The following CTNNA3 variants were observed in gnomAD, a reference collection of about 807,000 sequenced individuals.
CTNNA3 encodes catenin alpha-3.
CTNNA3 carries 76 observed loss-of-function variants against 95.7 expected under a neutral mutation model. The ratio of observed to expected loss-of-function variants is 0.79; its 90% CI spans 0.66 to 0.96. The LOEUF (loss-of-function observed/expected upper bound fraction) is 0.96, where lower values mean the gene tolerates loss of function less well. Ranked by LOEUF, CTNNA3 falls within the 40% of genes least tolerant of loss-of-function variation. CTNNA3 has a pLI of 0.00. For missense variants in CTNNA3, 1,191 were observed against 1,089.8 expected (o/e 1.09, Z -1.31); for synonymous variants, 431 against 374.4 (o/e 1.15, Z -1.74).
At chr10:67,555,267 T>G (rs1473963993) in intron 3 of CTNNA3, among the ~76,000 whole-genome samples, 1 of 152,176 alleles carries the variant, frequency 6.6e-6, no homozygotes, top group Non-Finnish European at 1.5e-5. Flanking sequence ...GAACTTTAAG[T>G]AGTTTTTTTC....
intron 9 of CTNNA3, among the ~76,000 whole-genome samples, chr10:66,721,886 GA>G (rs1009606538): frequency 2.0e-5 from 3 of 152,012 alleles, no homozygotes; most frequent in African/African-American, 4.8e-5. Flanking sequence ...AGATTAGGAG[GA>G]AAAAAACCTT....
At chr10:67,185,226 C>T (rs1442203583) in intron 6 of CTNNA3, among the ~76,000 whole-genome samples, 4 of 151,904 alleles carry the variant, frequency 2.6e-5, no homozygotes, top group Non-Finnish European at 5.9e-5. Flanking sequence ...CCCCCAAATT[C>T]AAGCGACTCT....
rs373111857 is a variant in CTNNA3 at position 66,370,658 on chromosome 10, G to A, written c.1732+8494C>T. 7.5e-4 allele frequency among the ~76,000 whole-genome samples: 114 copies of A among 152,052 alleles called. 1 individual carries two copies. The highest frequency in any genetic ancestry group is 2.4e-3 in the African/African-American group (101 of 41,478). Reference sequence around the variant, plus strand: ...TAACTGCAGAGCCTCTGATCCCCTCGGGCCTTGAGCAGCCACTTCTTTTCT... The same window carrying A: ...TAACTGCAGAGCCTCTGATCCCCTCAGGCCTTGAGCAGCCACTTCTTTTCT... On this transcript the variant is annotated intron_variant, in intron 12 of 17. Coordinates refer to ENST00000433211, the MANE Select transcript of CTNNA3 (RefSeq NM_013266.4).
intron 7 of CTNNA3, among the ~76,000 whole-genome samples, chr10:66,941,805 A>G (rs1260093988): frequency 1.3e-5 from 2 of 152,234 alleles, no homozygotes; most frequent in Non-Finnish European, 2.9e-5. Context: ...AAAAAATGAC[A>G]AAAGAGGTTC....
intron 7 of CTNNA3, among the ~76,000 whole-genome samples, chr10:67,016,829 G>A (rs571249598): frequency 6.6e-6 from 1 of 152,132 alleles, no homozygotes; most frequent in Non-Finnish European, 1.5e-5. Flanking sequence ...GATAATTTTA[G>A]TAGACTTTGA....
chr10:66,631,363 A>T (rs1200317324), intron 9 of CTNNA3, among the ~76,000 whole-genome samples: 1 of 152,218 alleles, frequency 6.6e-6, no homozygotes, highest in East Asian at 1.9e-4. Flanking sequence ...TAATTTAAAC[A>T]TGAATTTGTA....
rs370358378 is a variant in CTNNA3, at chr10:67,121,981, CAAAAAAAAAAAAAAA to C, written c.1047+58321_1047+58335del. On this transcript the variant is annotated intron_variant, in intron 7 of 17. Coordinates refer to ENST00000433211, the MANE Select transcript of CTNNA3 (RefSeq NM_013266.4). The stretch of plus-strand genomic sequence containing the variant: ...CGCTCTTAGCCAACATTATTCTGAG[CAAAAAAAAAAAAAAA>C]AAAAAAAAAAAAGCTGAGGGCCAGA... 8.5e-5 allele frequency among the ~76,000 whole-genome samples: 4 copies of C among 47,150 alleles called. No individual in the cohort carries two copies. In the East Asian group the frequency reaches 2.1e-3, roughly 25 times the overall value. 30.9% of individuals were successfully genotyped at this position (47,150 alleles called of 152,430 possible). A position where few individuals can be genotyped will look rare whatever the true frequency, so the allele number is the denominator to read the frequency against.
chr10:67,211,026 T>C (rs1247080346), intron 6 of CTNNA3, among the ~76,000 whole-genome samples: 1 of 152,188 alleles, frequency 6.6e-6, no homozygotes, highest in Non-Finnish European at 1.5e-5. Flanking sequence ...TTGTGCTAGC[T>C]TTTATTGCTT....
intron 9 of CTNNA3, among the ~76,000 whole-genome samples, chr10:66,695,918 G>GT (rs111611902): frequency 6.3e-5 from 9 of 142,010 alleles, no homozygotes; most frequent in African/African-American, 1.5e-4. Context: ...GAGACGTAAG[G>GT]GGGGGGGGCA....
At chr10:66,276,557 G>T (rs781251061) in intron 13 of CTNNA3, among the ~76,000 whole-genome samples, 7 of 152,122 alleles carry the variant, frequency 4.6e-5, no homozygotes, top group African/African-American at 1.7e-4. Flanking sequence ...AATTAATATA[G>T]GTTCAAAAGC....
intron 13 of CTNNA3, among the ~76,000 whole-genome samples, chr10:66,249,203 A>G (rs1225384935): frequency 1.3e-5 from 2 of 152,182 alleles, no homozygotes; most frequent in African/African-American, 4.8e-5. Flanking sequence ...TCTCCAGAAC[A>G]TGAGTGTGGG....
intron 9 of CTNNA3, among the ~76,000 whole-genome samples, chr10:66,696,910 T>C (rs1847786733): frequency 6.6e-6 from 1 of 152,024 alleles, no homozygotes; most frequent in Non-Finnish European, 1.5e-5. Context: ...CAGAGTGAGA[T>C]ACTGTCTCTG....
At chr10:67,647,177 T>TATATATATATATATA (rs1564807136) in intron 2 of CTNNA3, among the ~76,000 whole-genome samples, 1 of 142,440 alleles carries the variant, frequency 7.0e-6, no homozygotes, top group Non-Finnish European at 1.5e-5. Context: ...TATATATATA[T>TATATATATATATATA]TATTACTGCT....
chr10:66,273,692 T>C (rs746943291), intron 13 of CTNNA3, among the ~76,000 whole-genome samples: 4 of 152,148 alleles, frequency 2.6e-5, no homozygotes, highest in Non-Finnish European at 5.9e-5. Context: ...TTGCAACCTT[T>C]GGAGAAGGGT....
rs369880246 is a variant in CTNNA3 at position 66,766,325 on chromosome 10, C to A, written c.1220G>T (p.Arg407Leu). 1.2e-6 allele frequency: 2 copies of A among 1,613,770 alleles called. No homozygotes were observed. The highest frequency in any genetic ancestry group is 4.5e-5 in the East Asian group (2 of 44,846). The stretch of plus-strand genomic sequence containing the variant: ...AGCATATTCTTTTATTTCCTTTTCC[C>A]GGCCATTCTTAGCAGCTTCAATGAG... ...LVLIEAAKNG[R>L]EKEIKEYAAI... The change falls in exon 9 of 18, where the codon CGG (arginine) becomes CTG (leucine). Residue 407 changes from arginine to leucine, a missense_variant. Transcript: ENST00000433211.
chr10:67,259,139 A>G (rs993322158), intron 5 of CTNNA3, among the ~76,000 whole-genome samples: 3 of 152,202 alleles, frequency 2.0e-5, no homozygotes, highest in African/African-American at 7.2e-5. Context: ...AGGGACAACT[A>G]TATTCTCCAA....
chr10:67,261,735 T>C (rs566774116), intron 5 of CTNNA3, among the ~76,000 whole-genome samples: 1 of 152,344 alleles, frequency 6.6e-6, no homozygotes, highest in African/African-American at 2.4e-5. Flanking sequence ...CTCTATTTAC[T>C]ATAAAATCTC....
chr10:65,941,855 A>G (rs564729739), intron 17 of CTNNA3, among the ~76,000 whole-genome samples: 2 of 127,430 alleles, frequency 1.6e-5, no homozygotes, highest in African/African-American at 5.9e-5. Context: ...CAATGGGGAG[A>G]AAAAAAAATG....
chr10:67,506,774 G>C (rs796816613), intron 5 of CTNNA3, among the ~76,000 whole-genome samples: 2 of 152,240 alleles, frequency 1.3e-5, no homozygotes, highest in African/African-American at 4.8e-5. Flanking sequence ...GTACAGCTTG[G>C]ATACAAAAAT....
Sources: gnomAD v4.1 joint callset for allele counts (sites outside exome capture counted in the v4.1 genomes callset) on GRCh38, gnomAD v4.1.1 for gene constraint, MANE v1.5 for transcripts, NCBI Gene and HGNC (gene_info 2026-07-23, HGNC 2026-07-21) for gene names.